The following PPP1R9A variants were observed in gnomAD, a reference collection of about 807,000 sequenced individuals.
PPP1R9A encodes the protein protein phosphatase 1 regulatory subunit 9A.
Under a neutral mutation model 141.9 loss-of-function variants are expected in PPP1R9A, and 59 were observed. The ratio of observed to expected loss-of-function variants is 0.42; its 90% CI spans 0.34 to 0.52. PPP1R9A has a LOEUF of 0.52. PPP1R9A is among the 20% of genes least tolerant of loss of function. The pLI, the probability that PPP1R9A is intolerant of heterozygous loss-of-function variation, is 0.10. For missense variants in PPP1R9A, 1,444 were observed against 1,611.9 expected (o/e 0.90, Z 1.78); for synonymous variants, 500 against 569.7 (o/e 0.88, Z 1.74).
At chr7:95,205,587 C>A (rs920862181) in intron 7 of PPP1R9A, among the ~76,000 whole-genome samples, 3 of 152,194 alleles carry the variant, frequency 2.0e-5, no homozygotes, top group Admixed American at 6.5e-5. Flanking sequence ...GACTTACTTT[C>A]CCAGGGGCCA....
chr7:95,048,628 C>T lies in PPP1R9A; in HGVS notation c.1396-62631C>T, dbSNP rs548860913. ...CGCGATCTTGGCTCACTGCAGCCTT[C>T]GCCTCCTGGGTTCAATCTATTCTCC... On this transcript the variant is annotated intron_variant, in intron 2 of 19. Transcript: ENST00000433360. 1.7e-4 allele frequency among the ~76,000 whole-genome samples: 26 copies of T among 152,016 alleles called. 1 individual carries two copies. Among genetic ancestry groups the T allele is most frequent in the Middle Eastern group, 3.4e-3 (1 of 294 alleles).
At chr7:95,119,548 A>G (rs1217014783) in intron 3 of PPP1R9A, among the ~76,000 whole-genome samples, 1 of 152,068 alleles carries the variant, frequency 6.6e-6, no homozygotes, top group African/African-American at 2.4e-5. Flanking sequence ...TCTGCCTCCC[A>G]GACTCAGGTG....
chr7:95,215,824 T>C (rs2152927522), intron 7 of PPP1R9A, among the ~76,000 whole-genome samples: 1 of 152,294 alleles, frequency 6.6e-6, no homozygotes, highest in Admixed American at 6.5e-5. Flanking sequence ...GGGTTGTTTG[T>C]TTTTTTCTTG....
intron 8 of PPP1R9A, among the ~76,000 whole-genome samples, chr7:95,245,934 A>G (rs1798060914): frequency 6.6e-6 from 1 of 152,192 alleles, no homozygotes; most frequent in African/African-American, 2.4e-5. Flanking sequence ...CAGGTCAGGA[A>G]GAATGTAAGC....
intron 2 of PPP1R9A, among the ~76,000 whole-genome samples, chr7:94,979,798 T>C (rs1183069234): frequency 6.6e-6 from 1 of 152,194 alleles, no homozygotes; most frequent in Non-Finnish European, 1.5e-5. Context: ...TTATTTAAAA[T>C]AGTGAAAGCC....
intron 2 of PPP1R9A, among the ~76,000 whole-genome samples, chr7:95,011,783 C>G (rs1335275461): frequency 6.6e-6 from 1 of 151,862 alleles, no homozygotes; most frequent in Non-Finnish European, 1.5e-5. Flanking sequence ...TGAAGGTACA[C>G]AAAATAAATT....
chr7:95,283,788 C>T (rs1328750420), intron 16 of PPP1R9A, among the ~76,000 whole-genome samples: 1 of 152,144 alleles, frequency 6.6e-6, no homozygotes, highest in Non-Finnish European at 1.5e-5. Context: ...TATAAAAATT[C>T]ACCATGGCAA....
chr7:95,177,371 C>A (rs1262385319), intron 5 of PPP1R9A, among the ~76,000 whole-genome samples: 1 of 152,096 alleles, frequency 6.6e-6, no homozygotes, highest in African/African-American at 2.4e-5. Flanking sequence ...AAAAGAAGCT[C>A]TAAATCTTGA....
rs1806920414 is a variant in PPP1R9A at position 95,295,097 on chromosome 7, G to A, written c.*4794G>A. The A allele has an allele frequency of 6.6e-6, 1 of 152,204 alleles. No individual in the cohort carries two copies. The highest frequency in any genetic ancestry group is 1.5e-5 in the Non-Finnish European group (1 of 67,918). 9.4% of individuals were successfully genotyped at this position (152,204 alleles called of 1,614,324 possible). ...TAGATGTTCAGAACTACATATGTGT[G>A]AATATCACTCCCACCTTACACACGC... is the stretch of plus-strand genomic sequence containing the variant. On this transcript the variant is annotated 3_prime_UTR_variant, in exon 20 of 20. Coordinates refer to ENST00000433360, the MANE Select transcript of PPP1R9A (RefSeq NM_001166160.2).
chr7:95,086,823 A>T (rs1196399366), intron 2 of PPP1R9A, among the ~76,000 whole-genome samples: 3 of 152,016 alleles, frequency 2.0e-5, no homozygotes, highest in Non-Finnish European at 4.4e-5. Flanking sequence ...AACATAACTT[A>T]TAAAGTAGTT....
intron 2 of PPP1R9A, among the ~76,000 whole-genome samples, chr7:94,947,783 G>GA (rs1260783679): frequency 2.0e-5 from 3 of 152,086 alleles, no homozygotes; most frequent in African/African-American, 4.8e-5. Flanking sequence ...TAAGTTTCAT[G>GA]AAAAAACAAA....
intron 2 of PPP1R9A, among the ~76,000 whole-genome samples, chr7:94,961,033 C>T (rs1046449931): frequency 2.0e-5 from 3 of 151,392 alleles, no homozygotes; most frequent in African/African-American, 7.3e-5. Flanking sequence ...TATAGCCTTT[C>T]CTCTATGTAA....
intron 2 of PPP1R9A, among the ~76,000 whole-genome samples, chr7:94,994,514 T>G (rs1801914677): frequency 6.6e-6 from 1 of 152,252 alleles, no homozygotes; most frequent in Admixed American, 6.5e-5. Flanking sequence ...GAAGTTCCTT[T>G]CTATTCTTTG....
chr7:95,196,597 G>A (rs1313783573), intron 5 of PPP1R9A, among the ~76,000 whole-genome samples: 1 of 151,958 alleles, frequency 6.6e-6, no homozygotes, highest in East Asian at 1.9e-4. Flanking sequence ...GTGGTATATT[G>A]AATACAATGG....
intron 2 of PPP1R9A, among the ~76,000 whole-genome samples, chr7:95,008,989 A>T (rs1323926644): frequency 1.3e-5 from 2 of 152,206 alleles, no homozygotes; most frequent in East Asian, 3.9e-4. Flanking sequence ...GGTTGAGTTC[A>T]TGTCCTTTGT....
intron 2 of PPP1R9A, among the ~76,000 whole-genome samples, chr7:95,066,579 G>A (rs1812978177): frequency 6.6e-6 from 1 of 152,050 alleles, no homozygotes; most frequent in Non-Finnish European, 1.5e-5. Context: ...GATATTCAGA[G>A]GACAAAAGGA....
intron 2 of PPP1R9A, among the ~76,000 whole-genome samples, chr7:95,030,472 G>A (rs1584356916): frequency 6.6e-6 from 1 of 151,920 alleles, no homozygotes; most frequent in Admixed American, 6.6e-5. Flanking sequence ...ATGTTTTGTT[G>A]AAAAACATTT....
chr7:95,208,981 CTG>C (rs1791505778), intron 7 of PPP1R9A, among the ~76,000 whole-genome samples: 1 of 97,918 alleles, frequency 1.0e-5, no homozygotes, highest in Non-Finnish European at 2.0e-5. Context: ...AAAAAAAACT[CTG>C]ATAAAATTCA....
intron 14 of PPP1R9A, among the ~76,000 whole-genome samples, chr7:95,270,153 C>T (rs1035297199): frequency 3.9e-5 from 6 of 151,966 alleles, no homozygotes; most frequent in African/African-American, 1.4e-4. Flanking sequence ...GACTGTGTAT[C>T]TCACAAACCT....
Sources: gnomAD v4.1 joint callset for allele counts (sites outside exome capture counted in the v4.1 genomes callset) on GRCh38, gnomAD v4.1.1 for gene constraint, MANE v1.5 for transcripts, NCBI Gene and HGNC (gene_info 2026-07-23, HGNC 2026-07-21) for gene names.